Variants in GDF15 observed in about 807,000 individuals in gnomAD.
GDF15 encodes the protein growth differentiation factor 15, also known as growth/differentiation factor 15.
Under a neutral mutation model 8.9 loss-of-function variants are expected in GDF15, and 10 were observed. The observed-to-expected ratio is 1.12, with a 90% CI of 0.69 to 1.90. The LOEUF (loss-of-function observed/expected upper bound fraction) is 1.90, where lower values mean the gene tolerates loss of function less well. Among genes scored for constraint, GDF15 ranks in the 40% most tolerant of loss-of-function variants. GDF15 has a pLI of 0.00. For synonymous variants in GDF15, 228 were observed against 210.6 expected (o/e 1.08, Z -0.72); for missense variants, 452 against 434.2 (o/e 1.04, Z -0.36).
chr19:18,387,212 A>G (rs1244178858), intron 1 of GDF15, among the ~76,000 whole-genome samples: 1 of 152,082 alleles, frequency 6.6e-6, no homozygotes, highest in Non-Finnish European at 1.5e-5. Context: ...TGATTCCTAG[A>G]GGCTCAGTAG....
Position 18,388,485 on chromosome 19 carries a change from G to C in GDF15, c.477G>C (p.Leu159=), listed in dbSNP as rs45586234. The part of the protein sequence containing the change: ...RPQAPALHLR[L]SPPPSQSDQL... The stretch of plus-strand genomic sequence containing the variant: ...AGGCGCCCGCGCTGCACCTGCGACT[G>C]TCGCCGCCGCCGTCGCAGTCGGACC... The change falls in exon 2 of 2, where the codon CTG becomes CTC. Residue 159 remains leucine (L), a synonymous_variant. Transcript: ENST00000252809. This position sits in a 1 kb window ranked among gnomAD's most constrained non-coding sequence, Gnocchi z 4.2. 2 of 1,605,474 alleles carry C rather than the reference G, an allele frequency of 1.2e-6. No homozygotes were observed. Among genetic ancestry groups the C allele is most frequent in the African/African-American group, 1.3e-5 (1 of 74,830 alleles).
Position 18,388,632 on chromosome 19 carries a change from G to A in GDF15, c.624G>A (p.Gly208=). ...RNGDHCPLGP[G]RCCRLHTVRA... ...GGGACCACTGTCCGCTCGGGCCCGG[G>A]CGTTGCTGCCGTCTGCACACGGTCC... The change falls in exon 2 of 2, where the codon GGG becomes GGA. Residue 208 remains glycine (G), a synonymous_variant. Transcript: ENST00000252809. The surrounding 1 kb of genome is among the most constrained non-coding windows in gnomAD (Gnocchi z 4.2). The A allele has an allele frequency of 1.3e-6, 2 of 1,599,170 alleles. No individual in the cohort carries two copies. Among genetic ancestry groups the A allele is most frequent in the Non-Finnish European group, 1.7e-6 (2 of 1,175,468 alleles).
intron 1 of GDF15, chr19:18,386,822 T>G: frequency 3.7e-6 from 1 of 267,330 alleles, no homozygotes; most frequent in Non-Finnish European, 7.3e-6. Flanking sequence ...AGAGAAACAA[T>G]GGGGGTGTGG....
At chr19:18,386,518 T>C in intron 1 of GDF15, 52 bp downstream of exon 1, 1 of 1,444,122 alleles carries the variant, frequency 6.9e-7, no homozygotes, top group Non-Finnish European at 9.6e-7. Context: ...CCCCCATATC[T>C]AATCAGGGAT....
Position 18,388,211 on chromosome 19 carries a change from G to A in GDF15, c.278-75G>A. 5 of 1,356,166 alleles carry A rather than the reference G, an allele frequency of 3.7e-6. No individual in the cohort carries two copies. Among genetic ancestry groups the A allele is most frequent in the Non-Finnish European group, 5.2e-6 (5 of 967,744 alleles). 84.0% of individuals were successfully genotyped at this position (1,356,166 alleles called of 1,614,324 possible). On this transcript the variant is annotated intron_variant, in intron 1 of 1. Coordinates refer to ENST00000252809, the MANE Select transcript of GDF15 (RefSeq NM_004864.4). The surrounding 1 kb of genome is among the most constrained non-coding windows in gnomAD (Gnocchi z 4.2). ...TGGTGAGATCCAGCTTGGCGTGTTA[G>A]GGGAAATGGGCACCCTCGTTCCTGG...
In GDF15 at chr19:18,388,135, G is replaced by A. The variant is rs1437015267; in HGVS notation, c.278-151G>A. ...CAGGCGTGAGCCACCGCGCCCGCAC[G>A]GAGAAATGCTCTTGGTAGGGGAAAT... On this transcript the variant is annotated intron_variant, in intron 1 of 1. Coordinates refer to ENST00000252809, the MANE Select transcript of GDF15 (RefSeq NM_004864.4). The surrounding 1 kb of genome is among the most constrained non-coding windows in gnomAD (Gnocchi z 4.2). 3 of 679,576 alleles carry A rather than the reference G, an allele frequency of 4.4e-6. No individual in the cohort carries two copies. Among genetic ancestry groups the A allele is most frequent in the Non-Finnish European group, 7.3e-6 (3 of 409,040 alleles). 42.1% of individuals were successfully genotyped at this position (679,576 alleles called of 1,614,324 possible).
intron 1 of GDF15, among the ~76,000 whole-genome samples, chr19:18,387,632 C>T (rs1342434941): frequency 6.6e-6 from 1 of 152,056 alleles, no homozygotes; most frequent in East Asian, 1.9e-4. Flanking sequence ...TTAATTCCTT[C>T]AAGTATTTAC....
At position 18,388,216 on chromosome 19, in the gene GDF15, A is replaced by C. The variant is rs1971852848; in HGVS notation, c.278-70A>C. 7.1e-7 allele frequency: 1 copy of C among 1,413,496 alleles called. No homozygotes were observed. The allele number at this position is 1,413,496 out of a possible 1,614,324, so 87.6% of individuals were successfully genotyped here. On this transcript the variant is annotated intron_variant, in intron 1 of 1. Coordinates refer to ENST00000252809, the MANE Select transcript of GDF15 (RefSeq NM_004864.4). The surrounding 1 kb of genome is among the most constrained non-coding windows in gnomAD (Gnocchi z 4.2). Reference sequence around the variant, plus strand: ...AGATCCAGCTTGGCGTGTTAGGGGAAATGGGCACCCTCGTTCCTGGAAAAC... The same window carrying C: ...AGATCCAGCTTGGCGTGTTAGGGGACATGGGCACCCTCGTTCCTGGAAAAC...
intron 1 of GDF15, chr19:18,386,770 G>T: frequency 2.3e-6 from 1 of 432,718 alleles, no homozygotes; most frequent in South Asian, 2.6e-5. Flanking sequence ...TCGGGCGTGC[G>T]GTGTGGGCAT....
In GDF15 at chr19:18,388,607, G is replaced by A. The variant is rs1971861795; in HGVS notation, c.599G>A (p.Gly200Glu). 1.9e-6 allele frequency: 3 copies of A among 1,600,496 alleles called. No individual in the cohort carries two copies. Among genetic ancestry groups the A allele is most frequent in the East Asian group, 2.2e-5 (1 of 44,622 alleles). The change falls in exon 2 of 2, where the codon GGG becomes GAG. Residue 200 changes from glycine to glutamate, a missense_variant. Gly to Glu is a moderately conservative substitution (Grantham distance 98). Coordinates refer to ENST00000252809, the MANE Select transcript of GDF15 (RefSeq NM_004864.4). The surrounding 1 kb of genome is among the most constrained non-coding windows in gnomAD (Gnocchi z 4.2). ...RGRRRARARNGDHCPLGPGRC... is the reference protein window; with the variant it reads ...RGRRRARARNEDHCPLGPGRC... The stretch of plus-strand genomic sequence containing the variant: ...CGCCGCAGAGCGCGTGCGCGCAACG[G>A]GGACCACTGTCCGCTCGGGCCCGGG...
At position 18,386,312 on chromosome 19, in the gene GDF15, G is replaced by C; in HGVS notation, c.123G>C (p.Pro41=). Residue 41 remains proline (P), a synonymous_variant, in exon 1 of 2, where the codon CCG becomes CCC. Coordinates refer to ENST00000252809, the MANE Select transcript of GDF15 (RefSeq NM_004864.4). ...SLAEASRASF[P]GPSELHSEDS... ...CCGAGGCGAGCCGCGCAAGTTTCCC[G>C]GGACCCTCAGAGTTGCACTCCGAAG... 6.2e-7 allele frequency: 1 copy of C among 1,614,090 alleles called. No individual in the cohort carries two copies. The highest frequency in any genetic ancestry group is 8.5e-7 in the Non-Finnish European group (1 of 1,180,014).
At chr19:18,387,150 C>G (rs1204329069) in intron 1 of GDF15, 1 of 152,700 alleles carries the variant, frequency 6.5e-6, no homozygotes, top group East Asian at 1.9e-4. Context: ...AAGGCACCCT[C>G]AAACCCCAGT....
rs1483942184 is a variant in GDF15 at position 18,388,465 on chromosome 19, C to T, written c.457C>T (p.Pro153Ser). The change falls in exon 2 of 2, where the codon CCC (proline) becomes TCC (serine). Residue 153 changes from proline to serine, a missense_variant. Transcript: ENST00000252809. The surrounding 1 kb of genome is among the most constrained non-coding windows in gnomAD (Gnocchi z 4.2). ...GCTCAGCCTTGCAAGACCCCAGGCG[C>T]CCGCGCTGCACCTGCGACTGTCGCC... ...RQLSLARPQA[P>S]ALHLRLSPPP... is the part of the protein sequence containing the mutation. The T allele has an allele frequency of 1.2e-6, 2 of 1,608,396 alleles. No individual in the cohort carries two copies. Among genetic ancestry groups the T allele is most frequent in the Middle Eastern group, 1.6e-4 (1 of 6,070 alleles).
intron 1 of GDF15, 65 bp downstream of exon 1, chr19:18,386,531 C>T (rs1481185799): frequency 7.2e-7 from 1 of 1,396,988 alleles, no homozygotes; most frequent in Admixed American, 1.9e-5. Flanking sequence ...TCAGGGATTC[C>T]TCATCTTGAA....
In GDF15 at chr19:18,389,142, ACT is replaced by A; in HGVS notation, c.*210_*211del. On this transcript the variant is annotated 3_prime_UTR_variant, in exon 2 of 2. Transcript: ENST00000252809. The stretch of plus-strand genomic sequence containing the variant: ...TGATGGAACTGTGTATTTATTTAAA[ACT>A]CTGGTGATAAAAATAAAGCTGTCTG... 1 of 454,032 alleles carries A rather than the reference ACT, an allele frequency of 2.2e-6. No individual in the cohort carries two copies. The highest frequency in any genetic ancestry group is 3.9e-6 in the Non-Finnish European group (1 of 257,350). The allele number at this position is 454,032 out of a possible 1,614,324, so 28.1% of individuals were successfully genotyped here.
intron 1 of GDF15, among the ~76,000 whole-genome samples, chr19:18,387,267 A>C (rs965464946): frequency 2.0e-5 from 3 of 152,026 alleles, no homozygotes; most frequent in African/African-American, 7.3e-5. Context: ...TCGGGATTAC[A>C]CCTGTAATCC....
In GDF15 at chr19:18,386,299, G is replaced by T. The variant is rs772493789; in HGVS notation, c.110G>T (p.Arg37Leu). 2.9e-5 allele frequency: 46 copies of T among 1,613,966 alleles called. No individual in the cohort carries two copies. Among genetic ancestry groups the T allele is most frequent in the Admixed American group, 1.3e-4 (8 of 59,998 alleles). ...GCCCTGTCTCTGGCCGAGGCGAGCCGCGCAAGTTTCCCGGGACCCTCAGAG... is the reference window on the plus strand; with the variant it reads ...GCCCTGTCTCTGGCCGAGGCGAGCCTCGCAAGTTTCCCGGGACCCTCAGAG... ...GGALSLAEAS[R>L]ASFPGPSELH... The change falls in exon 1 of 2, where the codon CGC becomes CTC. Residue 37 changes from arginine to leucine, a missense_variant. Coordinates refer to ENST00000252809, the MANE Select transcript of GDF15 (RefSeq NM_004864.4).
chr19:18,388,500 G>A lies in GDF15; in HGVS notation c.492G>A (p.Ser164=), dbSNP rs763108346. 2 of 1,603,366 alleles carry A rather than the reference G, an allele frequency of 1.2e-6. No individual in the cohort carries two copies. The highest frequency in any genetic ancestry group is 1.7e-5 in the Admixed American group (1 of 59,158). Residue 164 remains serine, a synonymous_variant, in exon 2 of 2, where the codon TCG becomes TCA. Coordinates refer to ENST00000252809, the MANE Select transcript of GDF15 (RefSeq NM_004864.4). This position sits in a 1 kb window ranked among gnomAD's most constrained non-coding sequence, Gnocchi z 4.2. ...ACCTGCGACTGTCGCCGCCGCCGTCGCAGTCGGACCAACTGCTGGCAGAAT... is the reference window on the plus strand; with the variant it reads ...ACCTGCGACTGTCGCCGCCGCCGTCACAGTCGGACCAACTGCTGGCAGAAT... The part of the protein sequence containing the change: ...ALHLRLSPPP[S]QSDQLLAESS...
At position 18,388,478 on chromosome 19, in the gene GDF15, T is replaced by A. The variant is rs1270370468; in HGVS notation, c.470T>A (p.Leu157Gln). ...AGACCCCAGGCGCCCGCGCTGCACC[T>A]GCGACTGTCGCCGCCGCCGTCGCAG... ...LARPQAPALH[L>Q]RLSPPPSQSD... The change falls in exon 2 of 2, where the codon CTG becomes CAG. Residue 157 changes from leucine (L) to glutamine (Q), a missense_variant. Physicochemically the swap from Leu to Gln is moderately radical, Grantham distance 113 (BLOSUM62 -2). Transcript: ENST00000252809. The surrounding 1 kb of genome is among the most constrained non-coding windows in gnomAD (Gnocchi z 4.2). 2 of 1,606,782 alleles carry A rather than the reference T, an allele frequency of 1.2e-6. No individual in the cohort carries two copies. Among genetic ancestry groups the A allele is most frequent in the Non-Finnish European group, 1.7e-6 (2 of 1,178,616 alleles).
Sources: allele counts gnomAD v4.1 joint callset (sites outside exome capture counted in the v4.1 genomes callset), GRCh38; gene constraint gnomAD v4.1.1; non-coding constraint Gnocchi (gnomAD v3.1); transcripts MANE v1.5; gene names NCBI Gene and HGNC (gene_info 2026-07-23, HGNC 2026-07-21).